UNC5D: variants seen among roughly 807,000 people sequenced by gnomAD.
UNC5D encodes netrin receptor UNC5D.
A neutral mutation model predicts 105.4 loss-of-function variants in UNC5D; 39 were observed. The ratio of observed to expected loss-of-function variants is 0.37; its 90% CI spans 0.29 to 0.48. The LOEUF (loss-of-function observed/expected upper bound fraction) is 0.48, where lower values mean the gene tolerates loss of function less well. Ranked by LOEUF, UNC5D falls within the 20% of genes least tolerant of loss-of-function variation. UNC5D has a pLI of 0.98. For synonymous variants in UNC5D, 452 were observed against 450.4 expected, an observed-to-expected ratio of 1.00 and a Z score of -0.04; for missense variants, 991 against 1,202.4, an observed-to-expected ratio of 0.82 and a Z score of 2.60.
In UNC5D at chr8:35,794,029, T is replaced by G. The variant is rs1179028385; in HGVS notation, c.*3466T>G. The stretch of plus-strand genomic sequence containing the variant: ...TTGCAACTATTTTCCTTGAGAAACA[T>G]TCTCAGCATCAGGATTGATAAACAA... On this transcript the variant is annotated 3_prime_UTR_variant, in exon 17 of 17. Transcript: ENST00000404895. 6.6e-6 allele frequency: 1 copy of G among 152,180 alleles called. No individual in the cohort carries two copies. The highest frequency in any genetic ancestry group is 1.9e-4 in the East Asian group (1 of 5,190). 9.4% of individuals were successfully genotyped at this position (152,180 alleles called of 1,614,324 possible). A position where few individuals can be genotyped will look rare whatever the true frequency, so the allele number is the denominator to read the frequency against.
intron 7 of UNC5D, among the ~76,000 whole-genome samples, chr8:35,695,153 CT>C (rs1408820959): frequency 6.6e-6 from 1 of 152,092 alleles, no homozygotes; most frequent in Non-Finnish European, 1.5e-5. Flanking sequence ...TGGGAGAATC[CT>C]AACAGTTCCC....
chr8:35,659,400 C>G (rs1823979875), intron 4 of UNC5D, among the ~76,000 whole-genome samples: 1 of 152,134 alleles, frequency 6.6e-6, no homozygotes, highest in Non-Finnish European at 1.5e-5. Flanking sequence ...ATTACCATGA[C>G]AAAACAATGT....
intron 13 of UNC5D, among the ~76,000 whole-genome samples, chr8:35,757,814 T>C (rs973595275): frequency 6.6e-6 from 1 of 152,218 alleles, no homozygotes; most frequent in Non-Finnish European, 1.5e-5. Flanking sequence ...CTTCCATTCC[T>C]TGTAGCCTCC....
chr8:35,756,934 T>C (rs1037372534), intron 13 of UNC5D, among the ~76,000 whole-genome samples: 5 of 152,210 alleles, frequency 3.3e-5, no homozygotes, highest in Non-Finnish European at 7.3e-5. Flanking sequence ...CTAGTTCGAA[T>C]ACACTTAGAA....
chr8:35,594,634 T>A (rs897839146), intron 3 of UNC5D, among the ~76,000 whole-genome samples: 6 of 152,078 alleles, frequency 3.9e-5, no homozygotes, highest in African/African-American at 1.4e-4. Flanking sequence ...TCATGACACC[T>A]CGAGAGAAGT....
At chr8:35,444,183 C>T (rs1802803067) in intron 1 of UNC5D, among the ~76,000 whole-genome samples, 1 of 151,848 alleles carries the variant, frequency 6.6e-6, no homozygotes, top group Admixed American at 6.6e-5. Context: ...ATCAAATTTC[C>T]CATTCTCTAT....
intron 1 of UNC5D, among the ~76,000 whole-genome samples, chr8:35,456,618 G>A (rs115552820): frequency 3.3e-5 from 5 of 152,288 alleles, no homozygotes; most frequent in African/African-American, 7.2e-5. Flanking sequence ...TTGTCAAAGC[G>A]TCACTTTGCC....
intron 4 of UNC5D, among the ~76,000 whole-genome samples, chr8:35,651,057 G>A (rs1823374141): frequency 6.6e-6 from 1 of 152,132 alleles, no homozygotes; most frequent in Non-Finnish European, 1.5e-5. Flanking sequence ...ATGGGGTCTG[G>A]CCCCCATTGT....
chr8:35,238,652 G>A (rs111743907), intron 1 of UNC5D, among the ~76,000 whole-genome samples: 40 of 152,168 alleles, frequency 2.6e-4, no homozygotes, highest in Middle Eastern at 3.4e-3. Flanking sequence ...CTTAGATACT[G>A]TACATAAGAT....
At chr8:35,769,726 A>G (rs1801926082) in intron 15 of UNC5D, among the ~76,000 whole-genome samples, 1 of 152,144 alleles carries the variant, frequency 6.6e-6, no homozygotes, top group Non-Finnish European at 1.5e-5. Flanking sequence ...GCACTTTGGG[A>G]GGGCGAGGTA....
At chr8:35,731,496 A>G (rs573110299) in intron 11 of UNC5D, among the ~76,000 whole-genome samples, 2 of 150,390 alleles carry the variant, frequency 1.3e-5, no homozygotes, top group African/African-American at 4.9e-5. Context: ...TGAGACTTAG[A>G]GGTGTATAGA....
intron 7 of UNC5D, among the ~76,000 whole-genome samples, chr8:35,695,710 A>AT (rs1826720226): frequency 5.5e-5 from 8 of 146,418 alleles, no homozygotes; most frequent in South Asian, 2.2e-4. Flanking sequence ...GTATTTTTAT[A>AT]TTATTTATTT....
At chr8:35,292,542 G>C (rs1919353) in intron 1 of UNC5D, among the ~76,000 whole-genome samples, 124,671 of 152,074 alleles carry the variant, frequency 0.82, 51,571 homozygotes, top group East Asian at 1. Flanking sequence ...GAAAACCACA[G>C]GGCTTAGGAA....
chr8:35,308,116 A>G (rs28581452), intron 1 of UNC5D, among the ~76,000 whole-genome samples: 57,309 of 105,044 alleles, frequency 0.55, 12,201 homozygotes, highest in Middle Eastern at 0.61. Context: ...GTCACAATGT[A>G]TGTGTGTGTG....
At chr8:35,275,162 A>G (rs2128841080) in intron 1 of UNC5D, among the ~76,000 whole-genome samples, 1 of 151,530 alleles carries the variant, frequency 6.6e-6, no homozygotes, top group East Asian at 1.9e-4. Flanking sequence ...ACATAATGAA[A>G]TAAGAAGACA....
chr8:35,675,283 C>T (rs753765734), intron 4 of UNC5D, among the ~76,000 whole-genome samples: 6 of 152,142 alleles, frequency 3.9e-5, no homozygotes, highest in Non-Finnish European at 8.8e-5. Flanking sequence ...TTGAAATGTT[C>T]TCATATGTGT....
At position 35,734,686 on chromosome 8, in the gene UNC5D, A is replaced by G. The variant is rs1458084952; in HGVS notation, c.1766+3590A>G. Among the ~76,000 whole-genome samples, 13 of 152,068 alleles carry G rather than the reference A, an allele frequency of 8.5e-5. No homozygotes were observed. The East Asian group carries it at 2.5e-3, about 29-fold the overall frequency. On this transcript the variant is annotated intron_variant, in intron 11 of 16. Coordinates refer to ENST00000404895, the MANE Select transcript of UNC5D (RefSeq NM_080872.4). ...CGGCATCCCCAAGTGCTGGGATTAT[A>G]GGTGTGAGCCACCACGCCCAGCTGG... is the stretch of plus-strand genomic sequence containing the variant.
intron 1 of UNC5D, among the ~76,000 whole-genome samples, chr8:35,386,579 C>A (rs1306193807): frequency 1.3e-5 from 2 of 152,168 alleles, no homozygotes; most frequent in Non-Finnish European, 2.9e-5. Context: ...GTATTGTTAA[C>A]CAAACTCTGC....
chr8:35,653,717 G>C (rs549108438), intron 4 of UNC5D, among the ~76,000 whole-genome samples: 1 of 152,274 alleles, frequency 6.6e-6, no homozygotes, highest in East Asian at 1.9e-4. Flanking sequence ...ATGTACATTT[G>C]AGTTTTAAAT....
Sources: gnomAD v4.1 joint callset for allele counts (sites outside exome capture counted in the v4.1 genomes callset) on GRCh38, gnomAD v4.1.1 for gene constraint, MANE v1.5 for transcripts, NCBI Gene and HGNC (gene_info 2026-07-23, HGNC 2026-07-21) for gene names.